MRPL43: variants seen among roughly 807,000 people sequenced by gnomAD.
The protein encoded by MRPL43 is mitochondrial ribosomal protein L43.
A neutral mutation model predicts 12.7 loss-of-function variants in MRPL43; 9 were observed. The ratio of observed to expected loss-of-function variants is 0.71; its 90% CI spans 0.43 to 1.24. MRPL43 has a LOEUF of 1.24. Among genes scored for constraint, MRPL43 ranks in the 50% most tolerant of loss-of-function variants. The pLI, the probability that MRPL43 is intolerant of heterozygous loss-of-function variation, is 0.00. For synonymous variants in MRPL43, 116 were observed against 96.4 expected (o/e 1.20, Z -1.19); for missense variants, 211 against 229.2 (o/e 0.92, Z 0.51).
chr10:100,987,286 C>G (rs1851566980), intron 1 of MRPL43, 27 bp downstream of exon 1: 2 of 1,611,716 alleles, frequency 1.2e-6, no homozygotes, highest in African/African-American at 2.7e-5. Flanking sequence ...CACCCCGACC[C>G]GCGCCTGCGC....
chr10:100,987,048 GC>G, intron 2 of MRPL43, 41 bp downstream of exon 2: 2 of 1,609,282 alleles, frequency 1.2e-6, no homozygotes. Context: ...AGCGGGTCGA[GC>G]CCCTGATCCC....
rs763347299 is a variant in MRPL43 at position 100,986,843 on chromosome 10, G to A, written c.371C>T (p.Pro124Leu). ...RIRKPFHTDN[P>L]SIQGQWHPFT... ...GGGGTGCCACTGGCCCTGGATGCTAGGGTTGTCGGTGTGGAAGGGCTTGCG... is the reference window on the plus strand; with the variant it reads ...GGGGTGCCACTGGCCCTGGATGCTAAGGTTGTCGGTGTGGAAGGGCTTGCG... Residue 124 changes from proline to leucine, a missense_variant, in exon 3 of 3, where the codon CCT becomes CTT. Coordinates refer to ENST00000318364, the MANE Select transcript of MRPL43 (RefSeq NM_032112.3). 1.2e-6 allele frequency: 2 copies of A among 1,613,902 alleles called. No homozygotes were observed. Among genetic ancestry groups the A allele is most frequent in the East Asian group, 2.2e-5 (1 of 44,876 alleles).
chr10:100,978,614 A>G, downstream of MRPL43: 1 of 1,614,032 alleles, frequency 6.2e-7, no homozygotes, highest in Non-Finnish European at 8.5e-7. Flanking sequence ...CTGAGAACTG[A>G]GGAGACACCA....
At position 100,986,820 on chromosome 10, in the gene MRPL43, G is replaced by T. The variant is rs148567788; in HGVS notation, c.394C>A (p.Pro132Thr). 311 of 1,613,950 alleles carry T rather than the reference G, an allele frequency of 1.9e-4. 3 individuals carry two copies. The Middle Eastern group carries it at 0.014, about 73-fold the overall frequency. ...AACGTGGTCGGCTTGTTGGTGAAGG[G>T]GTGCCACTGGCCCTGGATGCTAGGG... ...DNPSIQGQWH[P>T]FTNKPTTFRG... is the part of the protein sequence containing the mutation. Residue 132 changes from proline (P) to threonine (T), a missense_variant, in exon 3 of 3, where the codon CCC becomes ACC. By Grantham distance (38) the Pro-to-Thr change is conservative (BLOSUM62 -1). Coordinates refer to ENST00000318364, the MANE Select transcript of MRPL43 (RefSeq NM_032112.3).
chr10:100,978,777 G>T, downstream of MRPL43: 1 of 1,579,622 alleles, frequency 6.3e-7, no homozygotes. Context: ...GTCAAGTGAG[G>T]GGTCAGCCTC....
At chr10:100,978,354 T>C (rs1316309086), downstream of MRPL43, 3 of 1,613,604 alleles carry the variant, frequency 1.9e-6, no homozygotes, top group African/African-American at 4.0e-5. Context: ...AGTGTCCTTA[T>C]GACCCAGCCC....
chr10:100,981,248 T>G (rs770769851), downstream of MRPL43: 56 of 1,613,342 alleles, frequency 3.5e-5, no homozygotes, highest in Non-Finnish European at 4.7e-5. Context: ...CTCATATGAG[T>G]GTGGGTCTAG....
downstream of MRPL43, among the ~76,000 whole-genome samples, chr10:100,979,606 C>T (rs1390506546): frequency 6.6e-6 from 1 of 152,126 alleles, no homozygotes; most frequent in African/African-American, 2.4e-5. Flanking sequence ...TGGTCTCGAT[C>T]TCTTGACCTC....
chr10:100,984,228 C>T, downstream of MRPL43: 1 of 1,473,836 alleles, frequency 6.8e-7, no homozygotes. Flanking sequence ...TTCATTACCC[C>T]CACTCCATAC....
At position 100,987,071 on chromosome 10, in the gene MRPL43, C is replaced by A. The variant is rs769286554; in HGVS notation, c.238+19G>T. 2.5e-6 allele frequency: 4 copies of A among 1,612,160 alleles called. No homozygotes were observed. The Admixed American group carries it at 5.0e-5, about 20-fold the overall frequency. On this transcript the variant is annotated intron_variant, in intron 2 of 2. Coordinates refer to ENST00000318364, the MANE Select transcript of MRPL43 (RefSeq NM_032112.3). ...GAGCCCCTGATCCCGCCCTCCAGCC[C>A]GAGCCCGGCCCCACTCACGGTATTC...
At chr10:100,978,771 A>C (rs1185103219), downstream of MRPL43, 11 of 1,575,672 alleles carry the variant, frequency 7.0e-6, no homozygotes, top group Non-Finnish European at 9.5e-6. Context: ...TGTGTTGTCA[A>C]GTGAGGGGTC....
chr10:100,980,348 C>G, downstream of MRPL43: 4 of 1,611,898 alleles, frequency 2.5e-6, no homozygotes, highest in Non-Finnish European at 3.4e-6. Flanking sequence ...GGCACAGGTG[C>G]TTCTGATCCC....
downstream of MRPL43, chr10:100,983,534 C>T (rs777395006): frequency 7.4e-6 from 12 of 1,614,050 alleles, no homozygotes; most frequent in Admixed American, 2.0e-4. Flanking sequence ...ATGGCCTCCG[C>T]ACCCTGCTGG....
At chr10:100,983,204 C>A, downstream of MRPL43, 1 of 1,336,598 alleles carries the variant, frequency 7.5e-7, no homozygotes. Context: ...ATTCTGGGTT[C>A]TGTGCTTGGT....
chr10:100,980,920 C>T, downstream of MRPL43: 1 of 1,612,368 alleles, frequency 6.2e-7, no homozygotes, highest in Non-Finnish European at 8.5e-7. Flanking sequence ...TGGCCCGAGA[C>T]CCCTACTGTG....
chr10:100,984,860 T>C (rs1851353903), downstream of MRPL43: 9 of 1,491,072 alleles, frequency 6.0e-6, no homozygotes, highest in Non-Finnish European at 8.0e-6. Context: ...TGAATCAGCC[T>C]CCCCACTCTC....
chr10:100,985,118 G>A (rs1393859490), downstream of MRPL43: 3 of 457,496 alleles, frequency 6.6e-6, no homozygotes, highest in Non-Finnish European at 1.1e-5. Flanking sequence ...TGCACTCAAT[G>A]AGCCAGCCTC....
chr10:100,983,851 C>T (rs1335400856), downstream of MRPL43: 3 of 1,587,274 alleles, frequency 1.9e-6, no homozygotes, highest in Non-Finnish European at 2.6e-6. Flanking sequence ...GATGAGGGGG[C>T]TGGGGGCCTG....
chr10:100,984,578 C>T, downstream of MRPL43: 1 of 1,536,208 alleles, frequency 6.5e-7, no homozygotes, highest in Non-Finnish European at 8.7e-7. Flanking sequence ...GACAAGACCT[C>T]TGCCAGCCAC....
Sources: gnomAD v4.1 joint callset for allele counts (sites outside exome capture counted in the v4.1 genomes callset) on GRCh38, gnomAD v4.1.1 for gene constraint, MANE v1.5 for transcripts, NCBI Gene and HGNC (gene_info 2026-07-23, HGNC 2026-07-21) for gene names.